MXI1: variants seen among roughly 807,000 people sequenced by gnomAD.
MXI1 encodes max-interacting protein 1.
In MXI1, 18 loss-of-function variants were observed where a neutral mutation model predicts 36.9. The observed-to-expected ratio is 0.49, with a 90% CI of 0.34 to 0.72. MXI1 has a LOEUF of 0.72. Among genes scored for constraint, MXI1 ranks in the 30% least tolerant of loss-of-function variants. The pLI is 0.01. For missense variants in MXI1, 304 were observed against 379.1 expected, an observed-to-expected ratio of 0.80 and a Z score of 1.64; for synonymous variants, 160 against 146.7, an observed-to-expected ratio of 1.09 and a Z score of -0.65.
At chr10:110,236,124 C>CTT (rs60576710) in intron 2 of MXI1, among the ~76,000 whole-genome samples, 1 of 33,576 alleles carries the variant, frequency 3.0e-5, no homozygotes, top group Non-Finnish European at 5.6e-5. Flanking sequence ...GGTTGAAGTT[C>CTT]TTTTTTTTTT....
intron 1 of MXI1, 114 bp from the exon 2 acceptor site, chr10:110,228,075 T>A (rs1322941520): frequency 2.5e-6 from 3 of 1,182,278 alleles, no homozygotes; most frequent in Non-Finnish European, 3.7e-6. Flanking sequence ...TGGAAACATT[T>A]TACCTCTTTT....
At chr10:110,279,157 A>G in intron 3 of MXI1, 23 bp from the exon 4 acceptor site, 1 of 1,556,722 alleles carries the variant, frequency 6.4e-7, no homozygotes, top group Non-Finnish European at 8.9e-7. Flanking sequence ...GACTGTGCTG[A>G]TTTGACTTTT....
chr10:110,285,706 C>A lies in MXI1; in HGVS notation c.*719C>A, dbSNP rs1269480100. ...AGCTGCCACCTCTCCATCCTGCTGC[C>A]CTTAGGCCACATGGGAGCAGTCCAT... On this transcript the variant is annotated 3_prime_UTR_variant, in exon 6 of 6. Transcript: ENST00000332674. 1 of 152,260 alleles carries A rather than the reference C, an allele frequency of 6.6e-6. No homozygotes were observed. The highest frequency in any genetic ancestry group is 1.5e-5 in the Non-Finnish European group (1 of 68,104). The allele number at this position is 152,260 out of a possible 1,614,324, so 9.4% of individuals were successfully genotyped here.
chr10:110,217,086 G>T (rs566028023), intron 1 of MXI1, among the ~76,000 whole-genome samples: 6 of 151,916 alleles, frequency 3.9e-5, no homozygotes, highest in Admixed American at 2.0e-4. Flanking sequence ...CATTCCACTC[G>T]CAGTTCTTTA....
chr10:110,274,537 T>C (rs1445774476), intron 3 of MXI1, among the ~76,000 whole-genome samples: 3 of 152,234 alleles, frequency 2.0e-5, no homozygotes, highest in Non-Finnish European at 2.9e-5. Flanking sequence ...TTACAGTTTT[T>C]ATTAGCTGTT....
intron 1 of MXI1, among the ~76,000 whole-genome samples, chr10:110,216,719 T>A: frequency 8.0e-6 from 1 of 124,740 alleles, no homozygotes; most frequent in African/African-American, 3.3e-5. Context: ...CCCAGGCTAG[T>A]ACAGTGGCAC....
At chr10:110,260,463 G>A (rs919050328) in intron 3 of MXI1, among the ~76,000 whole-genome samples, 15 of 142,654 alleles carry the variant, frequency 1.1e-4, no homozygotes, top group South Asian at 4.4e-4. Flanking sequence ...GTGTGTATAC[G>A]CCCACAGATA....
At chr10:110,241,825 T>C (rs1199761115) in intron 2 of MXI1, among the ~76,000 whole-genome samples, 5 of 152,006 alleles carry the variant, frequency 3.3e-5, no homozygotes, top group Admixed American at 6.6e-5. Flanking sequence ...TAAATACTTA[T>C]TAGGAGCTAG....
At chr10:110,273,268 C>T (rs1036891008) in intron 3 of MXI1, among the ~76,000 whole-genome samples, 1 of 151,762 alleles carries the variant, frequency 6.6e-6, no homozygotes, top group Non-Finnish European at 1.5e-5. Flanking sequence ...ACAATGGTCT[C>T]GATCTCCTGA....
rs944310548 is a variant in MXI1, at chr10:110,285,928, C to A, written c.*941C>A. ...TATGTGTTGAAAACCAAAATGACAT[C>A]TTTTTAAAGCTTATCCATAAAAAAA... is the stretch of plus-strand genomic sequence containing the variant. On this transcript the variant is annotated 3_prime_UTR_variant, in exon 6 of 6. Transcript: ENST00000332674. The A allele has an allele frequency of 1.3e-5, 2 of 152,424 alleles. No individual in the cohort carries two copies. Among genetic ancestry groups the A allele is most frequent in the Non-Finnish European group, 2.9e-5 (2 of 68,000 alleles). 9.4% of individuals were successfully genotyped at this position (152,424 alleles called of 1,614,324 possible).
Position 110,285,099 on chromosome 10 carries a change from C to A in MXI1, c.*112C>A. ...GTCTCCTCTTTAAAACAAAACAAAA[C>A]AAAACAAAACTATACTTGAACAAAA... On this transcript the variant is annotated 3_prime_UTR_variant, in exon 6 of 6. Coordinates refer to ENST00000332674, the MANE Select transcript of MXI1 (RefSeq NM_130439.3). 1 of 1,047,664 alleles carries A rather than the reference C, an allele frequency of 9.5e-7. No homozygotes were observed. Among genetic ancestry groups the A allele is most frequent in the Non-Finnish European group, 1.3e-6 (1 of 764,312 alleles). 64.9% of individuals were successfully genotyped at this position (1,047,664 alleles called of 1,614,324 possible). A position where few individuals can be genotyped will look rare whatever the true frequency, so the allele number is the denominator to read the frequency against.
chr10:110,272,019 A>AGG (rs1856870821), intron 3 of MXI1, among the ~76,000 whole-genome samples: 1 of 152,150 alleles, frequency 6.6e-6, no homozygotes, highest in Non-Finnish European at 1.5e-5. Context: ...TGAGAGACAT[A>AGG]ATCCCAGCCA....
intron 3 of MXI1, chr10:110,261,058 G>A (rs1174796209): frequency 2.0e-6 from 2 of 984,784 alleles, no homozygotes; most frequent in Non-Finnish European, 1.2e-6. Flanking sequence ...GGAGGAAAGA[G>A]CACACTGCTC....
At chr10:110,209,937 C>T (rs961934312) in intron 1 of MXI1, among the ~76,000 whole-genome samples, 2 of 151,006 alleles carry the variant, frequency 1.3e-5, no homozygotes, top group Admixed American at 6.6e-5. Context: ...CAGCCACCCC[C>T]CCTCACCAGC....
At position 110,207,892 on chromosome 10, in the gene MXI1, C is replaced by A. The variant is rs760423134; in HGVS notation, c.84C>A (p.Pro28=). The A allele has an allele frequency of 2.9e-6, 4 of 1,368,622 alleles. No homozygotes were observed. The highest frequency in any genetic ancestry group is 1.6e-5 in the South Asian group (1 of 63,850). The allele number at this position is 1,368,622 out of a possible 1,614,324, so 84.8% of individuals were successfully genotyped here. ...CCGCCGCGCCCCCGGCTGTGCCCCC[C>A]GCCGTGGCCGCGCCCCAGCCCCCGG... The part of the protein sequence containing the change: ...LAPAAPPAVP[P]AVAAPQPPAL... Residue 28 remains proline, a synonymous_variant, in exon 1 of 6, where the codon CCC becomes CCA. Coordinates refer to ENST00000332674, the MANE Select transcript of MXI1 (RefSeq NM_130439.3).
chr10:110,269,538 A>G (rs910352189), intron 3 of MXI1, among the ~76,000 whole-genome samples: 3 of 152,202 alleles, frequency 2.0e-5, no homozygotes, highest in Non-Finnish European at 4.4e-5. Flanking sequence ...GATACAATAA[A>G]GCAGTTACAC....
At chr10:110,251,010 T>TTTTTTTTTTTTTTTTTTTTTTTTG (rs376734108) in intron 3 of MXI1, among the ~76,000 whole-genome samples, 9 of 54,974 alleles carry the variant, frequency 1.6e-4, no homozygotes, top group East Asian at 4.7e-4. Flanking sequence ...AAGTATTTGT[T>TTTTTTTTTTTTTTTTTTTTTTTTG]AAAAAAAAAA....
chr10:110,261,006 A>G (rs1195949720), intron 3 of MXI1: 1 of 985,040 alleles, frequency 1.0e-6, no homozygotes, highest in East Asian at 1.1e-4. Flanking sequence ...CAGTCACTTT[A>G]ATAGGCTCCA....
In MXI1 at chr10:110,279,256, A is replaced by G; in HGVS notation, c.514A>G (p.Thr172Ala). Residue 172 changes from threonine to alanine, a missense_variant, in exon 4 of 6, where the codon ACA (threonine) becomes GCA (alanine). This residue lies in a region of MXI1 where 125 missense variants were observed against 194.3 expected (regional missense o/e 0.64). Coordinates refer to ENST00000332674, the MANE Select transcript of MXI1 (RefSeq NM_130439.3). Reference protein sequence around the residue: ...PLGPDCTRHTTLGLLNKAKAH... With the variant: ...PLGPDCTRHTALGLLNKAKAH... ...AGGACCAGACTGCACCCGGCACACAACACTTGGTTTGCTCAACAAAGCCAA... is the reference window on the plus strand; with the variant it reads ...AGGACCAGACTGCACCCGGCACACAGCACTTGGTTTGCTCAACAAAGCCAA... 2 of 1,614,184 alleles carry G rather than the reference A, an allele frequency of 1.2e-6. No homozygotes were observed. The highest frequency in any genetic ancestry group is 1.7e-6 in the Non-Finnish European group (2 of 1,180,028).
Sources: allele counts gnomAD v4.1 joint callset (sites outside exome capture counted in the v4.1 genomes callset), GRCh38; gene constraint gnomAD v4.1.1; regional missense constraint gnomAD v4.1.1; transcripts MANE v1.5; gene names NCBI Gene and HGNC (gene_info 2026-07-23, HGNC 2026-07-21).